The following HECW2 variants were observed in gnomAD, a reference collection of about 807,000 sequenced individuals.
HECW2 encodes the protein HECT, C2 and WW domain containing E3 ubiquitin protein ligase 2, also known as E3 ubiquitin-protein ligase HECW2.
In HECW2, 61 loss-of-function variants were observed where a neutral mutation model predicts 175.2. The ratio of observed to expected loss-of-function variants is 0.35; its 90% CI spans 0.28 to 0.43. The LOEUF (loss-of-function observed/expected upper bound fraction) is 0.43. HECW2 is among the 20% of genes least tolerant of loss of function. The pLI, the probability that HECW2 is intolerant of heterozygous loss-of-function variation, is 1.00. For missense variants in HECW2, 1,524 were observed against 2,000.5 expected (o/e 0.76, Z 4.54); for synonymous variants, 671 against 731.0 (o/e 0.92, Z 1.32).
chr2:196,511,111 G>A (rs1687938277), intron 1 of HECW2, among the ~76,000 whole-genome samples: 1 of 152,140 alleles, frequency 6.6e-6, no homozygotes, highest in Admixed American at 6.5e-5. Context: ...GATTACAAGT[G>A]TGCACCAGCA....
At chr2:196,360,354 A>G (rs962177078) in intron 2 of HECW2, among the ~76,000 whole-genome samples, 8 of 152,218 alleles carry the variant, frequency 5.3e-5, no homozygotes, top group African/African-American at 1.9e-4. Context: ...ACCATGGGAT[A>G]CTATGCAGCC....
chr2:196,259,495 A>G (rs1328840475), intron 17 of HECW2, among the ~76,000 whole-genome samples: 3 of 152,208 alleles, frequency 2.0e-5, no homozygotes, highest in Non-Finnish European at 4.4e-5. Context: ...TATATGATAG[A>G]TGAAGCAGCT....
At chr2:196,446,894 C>T (rs1696201947) in intron 1 of HECW2, among the ~76,000 whole-genome samples, 1 of 152,210 alleles carries the variant, frequency 6.6e-6, no homozygotes, top group Admixed American at 6.5e-5. Context: ...GTATGAGGTA[C>T]TGTTCTTGCA....
At chr2:196,343,879 C>T (rs1010759269) in intron 2 of HECW2, 115 bp from the exon 3 acceptor site, 2 of 709,602 alleles carry the variant, frequency 2.8e-6, no homozygotes, top group African/African-American at 1.8e-5. Flanking sequence ...AAATATAATG[C>T]ACATTATTCT....
chr2:196,321,887 A>G (rs1044863155), intron 7 of HECW2, among the ~76,000 whole-genome samples: 4 of 152,212 alleles, frequency 2.6e-5, no homozygotes, highest in African/African-American at 4.8e-5. Flanking sequence ...GGTCTTCTCT[A>G]TCTCCTCAGT....
chr2:196,453,298 CA>C (rs1385300137), intron 1 of HECW2, among the ~76,000 whole-genome samples: 1 of 152,166 alleles, frequency 6.6e-6, no homozygotes, highest in African/African-American at 2.4e-5. Flanking sequence ...ATGCATCAGA[CA>C]ATTACTTCTA....
chr2:196,571,623 C>A (rs1211890934), intron 1 of HECW2, among the ~76,000 whole-genome samples: 1 of 151,916 alleles, frequency 6.6e-6, no homozygotes, highest in Non-Finnish European at 1.5e-5. Context: ...GCACGAAAGG[C>A]ATGGGAAGCG....
chr2:196,553,402 G>C (rs1689668545), intron 1 of HECW2, among the ~76,000 whole-genome samples: 1 of 152,164 alleles, frequency 6.6e-6, no homozygotes, highest in South Asian at 2.1e-4. Context: ...AATATACATG[G>C]AGCACCAGAT....
chr2:196,330,912 A>T (rs974607216), intron 4 of HECW2, among the ~76,000 whole-genome samples: 1 of 151,958 alleles, frequency 6.6e-6, no homozygotes, highest in Non-Finnish European at 1.5e-5. Context: ...TTTACTACTT[A>T]ACTACTGCCC....
intron 18 of HECW2, among the ~76,000 whole-genome samples, chr2:196,256,928 GACA>G (rs1252856838): frequency 5.9e-5 from 9 of 152,208 alleles, no homozygotes; most frequent in African/African-American, 2.2e-4. Flanking sequence ...ATAATTTTCT[GACA>G]ACAATCACAT....
chr2:196,523,398 A>G (rs1229530081), intron 1 of HECW2, among the ~76,000 whole-genome samples: 2 of 151,940 alleles, frequency 1.3e-5, no homozygotes, highest in Admixed American at 6.6e-5. Flanking sequence ...GGTTTTCTAG[A>G]TATACAATCA....
intron 1 of HECW2, among the ~76,000 whole-genome samples, chr2:196,574,508 C>T (rs1486508084): frequency 6.6e-6 from 1 of 151,112 alleles, no homozygotes; most frequent in Non-Finnish European, 1.5e-5. Flanking sequence ...TCAAAAATTA[C>T]AAAATATCAA....
intron 1 of HECW2, among the ~76,000 whole-genome samples, chr2:196,445,964 T>C (rs1696172208): frequency 6.6e-6 from 1 of 152,224 alleles, no homozygotes; most frequent in Admixed American, 6.5e-5. Context: ...ATTCTCAATA[T>C]GACAGCCAGA....
At chr2:196,242,299 T>C in intron 19 of HECW2, 95 bp from the exon 20 acceptor site, 7 of 1,489,530 alleles carry the variant, frequency 4.7e-6, no homozygotes, top group Non-Finnish European at 6.4e-6. Context: ...AATCAACAAG[T>C]CAAATGAGGC....
chr2:196,441,065 T>C (rs1481158419), intron 1 of HECW2, among the ~76,000 whole-genome samples: 2 of 152,242 alleles, frequency 1.3e-5, no homozygotes. Context: ...TGCCATAGTA[T>C]ACAACTTCAA....
At chr2:196,566,288 A>T (rs1690186075) in intron 1 of HECW2, among the ~76,000 whole-genome samples, 1 of 151,934 alleles carries the variant, frequency 6.6e-6, no homozygotes, top group South Asian at 2.1e-4. Context: ...AAGCAAAAAA[A>T]AAAAAAAAGA....
intron 1 of HECW2, among the ~76,000 whole-genome samples, chr2:196,510,325 A>C (rs1485698409): frequency 6.6e-6 from 1 of 152,208 alleles, no homozygotes; most frequent in Non-Finnish European, 1.5e-5. Flanking sequence ...AGGAAAAATA[A>C]ATTGAGGTGA....
chr2:196,353,173 C>CCCAA (rs1481009358), intron 2 of HECW2, among the ~76,000 whole-genome samples: 6 of 152,170 alleles, frequency 3.9e-5, no homozygotes, highest in African/African-American at 1.4e-4. Flanking sequence ...GATTTGGCTC[C>CCCAA]AGGGACATTG....
chr2:196,325,828 C>T (rs902812200), intron 5 of HECW2, among the ~76,000 whole-genome samples: 5 of 152,156 alleles, frequency 3.3e-5, no homozygotes, highest in Admixed American at 2.0e-4. Context: ...GAAGAATGTC[C>T]TATAACTCAC....
Sources: allele counts gnomAD v4.1 joint callset (sites outside exome capture counted in the v4.1 genomes callset), GRCh38; gene constraint gnomAD v4.1.1; transcripts MANE v1.5; gene names NCBI Gene and HGNC (gene_info 2026-07-23, HGNC 2026-07-21).